The following DOK6 variants were observed in gnomAD, a reference collection of about 807,000 sequenced individuals.
DOK6 encodes downstream of tyrosine kinase 6.
DOK6 carries 22 observed loss-of-function variants against 44.0 expected under a neutral mutation model. That is an observed-to-expected ratio of 0.50 (90% CI 0.36 to 0.71). The LOEUF is 0.71. DOK6 is among the 30% of genes least tolerant of loss of function. The probability of loss-of-function intolerance (pLI) is 0.00; values close to 1 mark genes in which losing one functional copy is unlikely to be tolerated. For missense variants in DOK6, 340 were observed against 416.4 expected (o/e 0.82, Z 1.60); for synonymous variants, 166 against 145.5 (o/e 1.14, Z -1.01).
chr18:69,817,072 A>G (rs1981420755), intron 7 of DOK6, among the ~76,000 whole-genome samples: 1 of 152,210 alleles, frequency 6.6e-6, no homozygotes, highest in Non-Finnish European at 1.5e-5. Flanking sequence ...TTAAACTGCT[A>G]GAGGTGTTAT....
intron 1 of DOK6, among the ~76,000 whole-genome samples, chr18:69,430,770 C>A (rs552284053): frequency 6.6e-6 from 1 of 152,040 alleles, no homozygotes; most frequent in Non-Finnish European, 1.5e-5. Flanking sequence ...AGTTTGAGAC[C>A]GGCCTGATTA....
chr18:69,449,116 G>C (rs1432163319), intron 1 of DOK6, among the ~76,000 whole-genome samples: 1 of 152,178 alleles, frequency 6.6e-6, no homozygotes, highest in Non-Finnish European at 1.5e-5. Flanking sequence ...CTGACTTCTA[G>C]TCTAGTTAGT....
chr18:69,447,639 T>G (rs940941887), intron 1 of DOK6, among the ~76,000 whole-genome samples: 2 of 152,154 alleles, frequency 1.3e-5, no homozygotes, highest in African/African-American at 4.8e-5. Context: ...ATTCCTTCAG[T>G]GCTTAGCCAG....
chr18:69,752,450 T>C (rs1979215092), intron 6 of DOK6, among the ~76,000 whole-genome samples: 1 of 152,192 alleles, frequency 6.6e-6, no homozygotes, highest in African/African-American at 2.4e-5. Flanking sequence ...TGAGATTTTT[T>C]AGTTTTTAGT....
chr18:69,572,467 C>A (rs550854072), intron 2 of DOK6, among the ~76,000 whole-genome samples: 1 of 152,130 alleles, frequency 6.6e-6, no homozygotes, highest in South Asian at 2.1e-4. Flanking sequence ...GTCAAGTAGT[C>A]AATTCGATAA....
chr18:69,495,979 C>T (rs146394268), intron 1 of DOK6, among the ~76,000 whole-genome samples: 244 of 152,316 alleles, frequency 1.6e-3, no homozygotes, highest in African/African-American at 5.5e-3. Flanking sequence ...GGGAAGGCAG[C>T]GAAAGCAGAC....
At chr18:69,444,850 A>G (rs1265281538) in intron 1 of DOK6, among the ~76,000 whole-genome samples, 1 of 151,972 alleles carries the variant, frequency 6.6e-6, no homozygotes, top group African/African-American at 2.4e-5. Flanking sequence ...TTACAATTCC[A>G]TATGAATTTT....
intron 5 of DOK6, among the ~76,000 whole-genome samples, chr18:69,719,826 G>T (rs754284630): frequency 2.6e-5 from 4 of 152,152 alleles, no homozygotes; most frequent in Non-Finnish European, 4.4e-5. Context: ...ACTCAATTTT[G>T]CAAAGGCAGT....
intron 1 of DOK6, among the ~76,000 whole-genome samples, chr18:69,477,403 A>G (rs1484557574): frequency 6.6e-6 from 1 of 152,174 alleles, no homozygotes; most frequent in East Asian, 1.9e-4. Context: ...TAAATTTTTG[A>G]TCAAATAAAG....
intron 1 of DOK6, among the ~76,000 whole-genome samples, chr18:69,563,452 C>A (rs143145421): frequency 6.6e-6 from 1 of 152,032 alleles, no homozygotes; most frequent in Non-Finnish European, 1.5e-5. Context: ...ACATATACAC[C>A]ATGGAATACT....
At chr18:69,472,540 C>T (rs552570618) in intron 1 of DOK6, among the ~76,000 whole-genome samples, 63 of 152,292 alleles carry the variant, frequency 4.1e-4, no homozygotes, top group African/African-American at 8.9e-4. Flanking sequence ...CCTGCCAGGT[C>T]TCTGGGCCCC....
chr18:69,457,678 C>T (rs1036424676), intron 1 of DOK6, among the ~76,000 whole-genome samples: 1 of 152,050 alleles, frequency 6.6e-6, no homozygotes, highest in Admixed American at 6.6e-5. Flanking sequence ...TGAGGAATGT[C>T]ATTGGTAGTT....
intron 1 of DOK6, among the ~76,000 whole-genome samples, chr18:69,496,584 A>G (rs1183804113): frequency 6.6e-6 from 1 of 152,220 alleles, no homozygotes. Flanking sequence ...TTTGGACACA[A>G]TGTTTTTTCT....
At chr18:69,676,864 G>T (rs1226249946) in intron 3 of DOK6, among the ~76,000 whole-genome samples, 1 of 152,074 alleles carries the variant, frequency 6.6e-6, no homozygotes, top group Non-Finnish European at 1.5e-5. Context: ...GTTTATGAAA[G>T]CCTGTGAAAA....
chr18:69,497,957 T>A (rs187334931), intron 1 of DOK6, among the ~76,000 whole-genome samples: 1 of 151,586 alleles, frequency 6.6e-6, no homozygotes, highest in East Asian at 1.9e-4. Context: ...ACCACTGTAC[T>A]CCAGCATGGG....
chr18:69,442,199 A>G (rs113689563), intron 1 of DOK6, among the ~76,000 whole-genome samples: 1 of 152,118 alleles, frequency 6.6e-6, no homozygotes, highest in Non-Finnish European at 1.5e-5. Flanking sequence ...GAATATTAAC[A>G]GTATTTGAAA....
chr18:69,675,258 G>A (rs1195584227), intron 3 of DOK6, among the ~76,000 whole-genome samples: 1 of 152,020 alleles, frequency 6.6e-6, no homozygotes, highest in African/African-American at 2.4e-5. Flanking sequence ...ATTAAACCCT[G>A]GGACAAAAGA....
chr18:69,809,626 TAAAAA>T (rs1981161569), intron 7 of DOK6, among the ~76,000 whole-genome samples: 1 of 147,900 alleles, frequency 6.8e-6, no homozygotes, highest in Non-Finnish European at 1.5e-5. Context: ...ACAAAACTGT[TAAAAA>T]TAATGAATTT....
intron 1 of DOK6, among the ~76,000 whole-genome samples, chr18:69,555,984 G>C (rs1288911114): frequency 1.3e-5 from 2 of 152,188 alleles, no homozygotes; most frequent in African/African-American, 2.4e-5. Flanking sequence ...ATTCAGAAGA[G>C]TTTACACATT....
Sources: gnomAD v4.1 joint callset for allele counts (sites outside exome capture counted in the v4.1 genomes callset) on GRCh38, gnomAD v4.1.1 for gene constraint, MANE v1.5 for transcripts, NCBI Gene and HGNC (gene_info 2026-07-23, HGNC 2026-07-21) for gene names.